The following DISP3 variants were observed in gnomAD, a reference collection of about 807,000 sequenced individuals.
DISP3 encodes dispatched RND transporter family member 3, also known as protein dispatched homolog 3.
DISP3 carries 101 observed loss-of-function variants against 135.3 expected under a neutral mutation model. The observed-to-expected ratio is 0.75, with a 90% CI of 0.64 to 0.88. DISP3 has a LOEUF of 0.88. DISP3 is among the 40% of genes least tolerant of loss of function. The pLI is 0.00. For missense variants in DISP3, 1,713 were observed against 1,878.6 expected (o/e 0.91, Z 1.63); for synonymous variants, 856 against 817.0 (o/e 1.05, Z -0.81).
Position 11,519,237 on chromosome 1 carries a change from G to T in DISP3, c.1890-118G>T. 2 of 1,253,300 alleles carry T rather than the reference G, an allele frequency of 1.6e-6. No individual in the cohort carries two copies. Among genetic ancestry groups the T allele is most frequent in the Non-Finnish European group, 1.1e-6 (1 of 897,986 alleles). 77.6% of individuals were successfully genotyped at this position (1,253,300 alleles called of 1,614,324 possible). On this transcript the variant is annotated intron_variant, in intron 7 of 20. Coordinates refer to ENST00000294484, the MANE Select transcript of DISP3 (RefSeq NM_020780.2). This position sits in a 1 kb window ranked among gnomAD's most constrained non-coding sequence, Gnocchi z 4.3. ...CCCAGAAGTCTGGGGTGCTCATCCT[G>T]TGTGTGACGTCAGCAGCACTGTGAT... is the stretch of plus-strand genomic sequence containing the variant.
intron 6 of DISP3, 56 bp from the exon 7 acceptor site, chr1:11,517,407 C>A (rs1642042991): frequency 6.3e-7 from 1 of 1,596,196 alleles, no homozygotes; most frequent in African/African-American, 1.3e-5. Context: ...GGCACCCAGG[C>A]CCCCTGACTG....
At chr1:11,494,262 T>G (rs1269629221) in intron 1 of DISP3, among the ~76,000 whole-genome samples, 1 of 152,198 alleles carries the variant, frequency 6.6e-6, no homozygotes, top group Non-Finnish European at 1.5e-5. Context: ...GGATAAGGAG[T>G]ACTGGCACGT....
At chr1:11,510,696 G>A (rs901880906) in intron 3 of DISP3, among the ~76,000 whole-genome samples, 5 of 152,028 alleles carry the variant, frequency 3.3e-5, no homozygotes, top group Admixed American at 1.3e-4. Flanking sequence ...TATAGGCCGA[G>A]CACAGTGGCT....
rs1642009745 is a variant in DISP3, at chr1:11,516,257, A to G, written c.1749+96A>G. On this transcript the variant is annotated intron_variant, in intron 6 of 20. Coordinates refer to ENST00000294484, the MANE Select transcript of DISP3 (RefSeq NM_020780.2). This position sits in a 1 kb window ranked among gnomAD's most constrained non-coding sequence, Gnocchi z 5.1. ...CCTTCCCACCACCGCTTGAGTGGCC[A>G]TATAGCCTTCACCTCAAGGTACTTG... 2 of 1,442,922 alleles carry G rather than the reference A, an allele frequency of 1.4e-6. No individual in the cohort carries two copies. The highest frequency in any genetic ancestry group is 1.9e-6 in the Non-Finnish European group (2 of 1,057,842). 89.4% of individuals were successfully genotyped at this position (1,442,922 alleles called of 1,614,324 possible).
chr1:11,492,464 A>G (rs1247348642), intron 1 of DISP3, among the ~76,000 whole-genome samples: 3 of 152,296 alleles, frequency 2.0e-5, no homozygotes, highest in Non-Finnish European at 1.5e-5. Context: ...GAGGCCAGTC[A>G]TCCTTCATCC....
rs1641998183 is a variant in DISP3, at chr1:11,515,888, T to C, written c.1589-113T>C. 4.8e-6 allele frequency: 6 copies of C among 1,239,692 alleles called. No individual in the cohort carries two copies. In the Admixed American group the frequency reaches 7.2e-5, roughly 15 times the overall value. The allele number at this position is 1,239,692 out of a possible 1,614,324, so 76.8% of individuals were successfully genotyped here. On this transcript the variant is annotated intron_variant, in intron 5 of 20. Coordinates refer to ENST00000294484, the MANE Select transcript of DISP3 (RefSeq NM_020780.2). The stretch of plus-strand genomic sequence containing the variant: ...CAAACTGTAAGCTCAGAAGCAGGAC[T>C]CCTGCAGCCTGACCTCCCAGGAGGC...
intron 10 of DISP3, among the ~76,000 whole-genome samples, chr1:11,523,003 A>T (rs536635271): frequency 6.6e-6 from 1 of 151,040 alleles, no homozygotes; most frequent in Non-Finnish European, 1.5e-5. Context: ...CCCAGCCCCT[A>T]CTCCCTGTGC....
chr1:11,516,142 C>T lies in DISP3; in HGVS notation c.1730C>T (p.Ala577Val). 1 of 1,614,094 alleles carries T rather than the reference C, an allele frequency of 6.2e-7. No homozygotes were observed. The highest frequency in any genetic ancestry group is 1.1e-5 in the South Asian group (1 of 91,080). Residue 577 changes from alanine to valine, a missense_variant, in exon 6 of 21, where the codon GCA becomes GTA. Around this residue, in one of 2 missense-constraint regions of DISP3, gnomAD observed 1,142 missense variants for 1,384.6 expected, o/e 0.82. Transcript: ENST00000294484. The surrounding 1 kb of genome is among the most constrained non-coding windows in gnomAD (Gnocchi z 5.1). ...TCCCTGACCACAGCCGCCGCCTACG[C>T]AGCTAACGTCTTCTCCCAGGTGCGG... ...FTSLTTAAAYAANVFSQIPAV... is the reference protein window; with the variant it reads ...FTSLTTAAAYVANVFSQIPAV...
intron 1 of DISP3, chr1:11,481,739 G>A (rs980292753): frequency 6.6e-6 from 1 of 152,202 alleles, no homozygotes; most frequent in Non-Finnish European, 1.5e-5. Context: ...TGACTCTCTA[G>A]TGAGTCTCTT....
At position 11,519,732 on chromosome 1, in the gene DISP3, G is replaced by A. The variant is rs760113410; in HGVS notation, c.2052G>A (p.Leu684=). The change falls in exon 9 of 21, where the codon CTG becomes CTA. Residue 684 remains leucine, a synonymous_variant. Transcript: ENST00000294484. The surrounding 1 kb of genome is among the most constrained non-coding windows in gnomAD (Gnocchi z 4.3). ...EVEEEPVSLE[L]GDVSLVSVSP... ...CTGCCCTGGCAGTGTCACTGGAGCT[G>A]GGAGACGTGTCCCTGGTGTCTGTGT... is the stretch of plus-strand genomic sequence containing the variant. The A allele has an allele frequency of 1.2e-6, 2 of 1,612,884 alleles. No individual in the cohort carries two copies. Among genetic ancestry groups the A allele is most frequent in the Non-Finnish European group, 1.7e-6 (2 of 1,179,938 alleles).
Position 11,529,942 on chromosome 1 carries a change from C to T in DISP3, c.3085C>T (p.His1029Tyr). The T allele has an allele frequency of 1.9e-6, 3 of 1,613,270 alleles. No individual in the cohort carries two copies. The highest frequency in any genetic ancestry group is 3.3e-4 in the Middle Eastern group (2 of 6,062). The part of the protein sequence containing the change: ...GVNRTRQVDN[H>Y]VIGDPGSVVY... ...CAACCGCACTCGGCAGGTGGACAAC[C>T]ACGTCATTGGAGACCCGGTACGGGG... Residue 1029 changes from histidine to tyrosine, a missense_variant, in exon 15 of 21, where the codon CAC (histidine) becomes TAC (tyrosine). By Grantham distance (83) the His-to-Tyr change is moderately conservative. Transcript: ENST00000294484. This position sits in a 1 kb window ranked among gnomAD's most constrained non-coding sequence, Gnocchi z 4.7.
intron 10 of DISP3, among the ~76,000 whole-genome samples, chr1:11,522,518 T>A (rs1467038921): frequency 1.4e-5 from 2 of 138,930 alleles, no homozygotes; most frequent in East Asian, 4.0e-4. Flanking sequence ...CCTGACAACA[T>A]CTGGGGCCAG....
intron 11 of DISP3, 24 bp downstream of exon 11, chr1:11,524,079 G>C: frequency 6.5e-7 from 1 of 1,538,302 alleles, no homozygotes. Flanking sequence ...GTGGAGGGTG[G>C]GGAAATCCTC....
chr1:11,486,228 G>A lies in DISP3; in HGVS notation c.-4+6856G>A, dbSNP rs548783618. ...ACCCCTCTGGACATGATCGTGTGTG[G>A]GGACGCCCAGGTTGAAAAGTATTTG... On this transcript the variant is annotated intron_variant, in intron 1 of 20. Coordinates refer to ENST00000294484, the MANE Select transcript of DISP3 (RefSeq NM_020780.2). 2.0e-5 allele frequency among the ~76,000 whole-genome samples: 3 copies of A among 152,252 alleles called. No individual in the cohort carries two copies. The South Asian group carries it at 6.2e-4, about 32-fold the overall frequency.
At chr1:11,530,827 C>G in intron 15 of DISP3, 80 bp from the exon 16 acceptor site, 2 of 1,568,704 alleles carry the variant, frequency 1.3e-6, no homozygotes, top group Non-Finnish European at 1.7e-6. Flanking sequence ...AGGTTCTGCC[C>G]CAGGGTTGGG....
Position 11,534,425 on chromosome 1 carries a change from C to T in DISP3, c.3420C>T (p.Tyr1140=). The T allele has an allele frequency of 1.2e-6, 2 of 1,614,252 alleles. No homozygotes were observed. The highest frequency in any genetic ancestry group is 1.1e-5 in the South Asian group (1 of 91,090). ...CCTCCTTCCAGACCTACTCGGACTACCTGCGCTGGGAGAGCTTCCTCCAGC... is the reference window on the plus strand; with the variant it reads ...CCTCCTTCCAGACCTACTCGGACTATCTGCGCTGGGAGAGCTTCCTCCAGC... ...GKSSFQTYSD[Y]LRWESFLQQQ... is the part of the protein sequence containing the mutation. The change falls in exon 18 of 21, where the codon TAC becomes TAT. Residue 1140 remains tyrosine, a synonymous_variant. Transcript: ENST00000294484.
intron 1 of DISP3, among the ~76,000 whole-genome samples, chr1:11,500,616 TG>T (rs1447078551): frequency 1.3e-5 from 2 of 152,186 alleles, no homozygotes; most frequent in African/African-American, 4.8e-5. Context: ...CATCTTACAT[TG>T]GCCTTGAGTT....
In DISP3 at chr1:11,502,033, G is replaced by T; in HGVS notation, c.1041G>T (p.Glu347Asp). The T allele has an allele frequency of 6.2e-7, 1 of 1,604,778 alleles. No individual in the cohort carries two copies. The highest frequency in any genetic ancestry group is 8.5e-7 in the Non-Finnish European group (1 of 1,175,416). Reference protein sequence around the residue: ...SSLMTYFFPTERGGKIYYDGM... With the variant: ...SSLMTYFFPTDRGGKIYYDGM... ...TCATGACCTACTTTTTTCCCACCGA[G>T]AGGGGCGGCAAGATCTACTATGACG... is the stretch of plus-strand genomic sequence containing the variant. Residue 347 changes from glutamate (E) to aspartate (D), a missense_variant, in exon 2 of 21, where the codon GAG becomes GAT. This residue lies in a region of DISP3 where 571 missense variants were observed against 494.1 expected (regional missense o/e 1.16). Coordinates refer to ENST00000294484, the MANE Select transcript of DISP3 (RefSeq NM_020780.2).
In DISP3 at chr1:11,516,008, C is replaced by T. The variant is rs191060565; in HGVS notation, c.1596C>T (p.Asp532=). ...GGGGACTCCCTCCCACAGGTGTGGA[C>T]GATGTCTTTGTGTTCATCAACACCT... The part of the protein sequence containing the change: ...AAFVIVGIGV[D]DVFVFINTYR... The change falls in exon 6 of 21, where the codon GAC becomes GAT. Residue 532 remains aspartate (D), a synonymous_variant. Coordinates refer to ENST00000294484, the MANE Select transcript of DISP3 (RefSeq NM_020780.2). The surrounding 1 kb of genome is among the most constrained non-coding windows in gnomAD (Gnocchi z 5.1). 3.8e-4 allele frequency: 615 copies of T among 1,613,816 alleles called. 3 individuals carry two copies. The East Asian group carries it at 7.2e-3, about 19-fold the overall frequency.
Sources: allele counts gnomAD v4.1 joint callset (sites outside exome capture counted in the v4.1 genomes callset), GRCh38; gene constraint gnomAD v4.1.1; regional missense constraint gnomAD v4.1.1; non-coding constraint Gnocchi (gnomAD v3.1); transcripts MANE v1.5; gene names NCBI Gene and HGNC (gene_info 2026-07-23, HGNC 2026-07-21).